The following LMBR1 variants were observed in gnomAD, a reference collection of about 807,000 sequenced individuals.
LMBR1 encodes limb development membrane protein 1.
A neutral mutation model predicts 73.9 loss-of-function variants in LMBR1; 52 were observed. The ratio of observed to expected loss-of-function variants is 0.70; its 90% CI spans 0.56 to 0.89. LMBR1 has a LOEUF of 0.89. Among genes scored for constraint, LMBR1 ranks in the 40% least tolerant of loss-of-function variants. The probability of loss-of-function intolerance (pLI) is 0.00; values close to 1 mark genes in which losing one functional copy is unlikely to be tolerated. For missense variants in LMBR1, 539 were observed against 579.8 expected, an observed-to-expected ratio of 0.93 and a Z score of 0.72; for synonymous variants, 215 against 209.4, an observed-to-expected ratio of 1.03 and a Z score of -0.23.
chr7:156,881,365 C>T (rs1267549520), intron 1 of LMBR1, among the ~76,000 whole-genome samples: 1 of 152,178 alleles, frequency 6.6e-6, no homozygotes, highest in African/African-American at 2.4e-5. Context: ...AAATGTAAAA[C>T]ATGAAACTAT....
chr7:156,732,453 A>G (rs115112008), intron 10 of LMBR1, among the ~76,000 whole-genome samples: 482 of 152,324 alleles, frequency 3.2e-3, no homozygotes, highest in African/African-American at 0.011. Context: ...AGGAGACTGA[A>G]GCACAGAAAA....
rs901672748 is a variant in LMBR1 at position 156,729,370 on chromosome 7, C to T, written c.839-650G>A. Among the ~76,000 whole-genome samples, 4 of 151,958 alleles carry T rather than the reference C, an allele frequency of 2.6e-5. No individual in the cohort carries two copies. In the East Asian group the frequency reaches 7.7e-4, roughly 29 times the overall value. The stretch of plus-strand genomic sequence containing the variant: ...CCATGGGGGTTCTGAAACCAGTCCC[C>T]CACGAATACTGAGGGCTATATTTGT... On this transcript the variant is annotated intron_variant, in intron 10 of 16. Coordinates refer to ENST00000353442, the MANE Select transcript of LMBR1 (RefSeq NM_022458.4).
intron 16 of LMBR1, among the ~76,000 whole-genome samples, chr7:156,686,100 G>C (rs921529745): frequency 6.6e-6 from 1 of 152,192 alleles, no homozygotes; most frequent in South Asian, 2.1e-4. Flanking sequence ...AAAAGGGACT[G>C]AGTGAAGACA....
chr7:156,704,172 G>A (rs1810405483), intron 15 of LMBR1, among the ~76,000 whole-genome samples: 2 of 152,134 alleles, frequency 1.3e-5, no homozygotes, highest in Non-Finnish European at 2.9e-5. Context: ...ACAGGCGCCA[G>A]AATACACTGT....
chr7:156,744,263 T>C (rs993392518), intron 9 of LMBR1, among the ~76,000 whole-genome samples: 1 of 152,148 alleles, frequency 6.6e-6, no homozygotes, highest in Non-Finnish European at 1.5e-5. Flanking sequence ...CAGCAACCAG[T>C]AGCAGGTTGC....
intron 4 of LMBR1, among the ~76,000 whole-genome samples, chr7:156,820,963 TGTTGGGGCAACGCC>T (rs1300928285): frequency 2.6e-5 from 4 of 152,246 alleles, no homozygotes; most frequent in African/African-American, 9.6e-5. Flanking sequence ...GCCCTTAGGA[TGTTGGGGCAACGCC>T]CTGCCATCCT....
intron 12 of LMBR1, among the ~76,000 whole-genome samples, chr7:156,726,731 C>G (rs1815844328): frequency 6.6e-6 from 1 of 152,134 alleles, no homozygotes; most frequent in Non-Finnish European, 1.5e-5. Flanking sequence ...AAATTTGGGA[C>G]CTGGTATTTG....
Position 156,685,549 on chromosome 7 carries a change from C to T in LMBR1, c.1388-1386G>A, listed in dbSNP as rs139567528. Among the ~76,000 whole-genome samples, 499 of 152,340 alleles carry T rather than the reference C, an allele frequency of 3.3e-3. 9 individuals carry two copies. Among genetic ancestry groups the T allele is most frequent in the East Asian group, 0.032 (165 of 5,182 alleles). ...CCTGAGTGCTGCAGCCACTGCGGCACCATGGCACATATCTGTGCATCTAGA... is the reference window on the plus strand; with the variant it reads ...CCTGAGTGCTGCAGCCACTGCGGCATCATGGCACATATCTGTGCATCTAGA... On this transcript the variant is annotated intron_variant, in intron 16 of 16. Coordinates refer to ENST00000353442, the MANE Select transcript of LMBR1 (RefSeq NM_022458.4). The surrounding 1 kb of genome is among the most constrained non-coding windows in gnomAD (Gnocchi z 4.1).
Position 156,893,054 on chromosome 7 carries a change from C to G in LMBR1, c.-61G>C. 7.1e-7 allele frequency: 1 copy of G among 1,406,022 alleles called. No homozygotes were observed. The highest frequency in any genetic ancestry group is 9.3e-7 in the Non-Finnish European group (1 of 1,080,022). 87.1% of individuals were successfully genotyped at this position (1,406,022 alleles called of 1,614,324 possible). A position where few individuals can be genotyped will look rare whatever the true frequency, so the allele number is the denominator to read the frequency against. On this transcript the variant is annotated 5_prime_UTR_variant, in exon 1 of 17. Transcript: ENST00000353442. ...GCGTGCTCCGCCACACCATCGTCCG[C>G]CCGCCGCAGGGGCTCGGACAGCCGC...
At chr7:156,844,921 T>G (rs1839357709) in intron 1 of LMBR1, among the ~76,000 whole-genome samples, 1 of 152,198 alleles carries the variant, frequency 6.6e-6, no homozygotes, top group Non-Finnish European at 1.5e-5. Context: ...AAACTAATAT[T>G]CTTAAATTTG....
intron 15 of LMBR1, among the ~76,000 whole-genome samples, chr7:156,707,631 C>A (rs1420236127): frequency 6.6e-6 from 1 of 152,142 alleles, no homozygotes; most frequent in Non-Finnish European, 1.5e-5. Context: ...ATGATCATCT[C>A]CAAAGATGCA....
chr7:156,771,597 C>T (rs1171510072), intron 5 of LMBR1, among the ~76,000 whole-genome samples: 2 of 152,084 alleles, frequency 1.3e-5, no homozygotes, highest in Non-Finnish European at 2.9e-5. Flanking sequence ...TAATAAAAAG[C>T]CAACTGACTA....
rs141878389 is a variant in LMBR1, at chr7:156,845,554, G to A, written c.67-8669C>T. ...TATTAAAAGAAAACACTGATAGAAT[G>A]ATACATATCTTAAAACAAAGTGACT... On this transcript the variant is annotated intron_variant, in intron 1 of 16. Transcript: ENST00000353442. 2.9e-3 allele frequency among the ~76,000 whole-genome samples: 446 copies of A among 152,144 alleles called. 4 individuals carry two copies. The highest frequency in any genetic ancestry group is 0.01 in the African/African-American group (428 of 41,476).
chr7:156,687,694 T>C (rs1372043113), intron 16 of LMBR1, among the ~76,000 whole-genome samples: 1 of 152,208 alleles, frequency 6.6e-6, no homozygotes, highest in Non-Finnish European at 1.5e-5. Flanking sequence ...TTTCACACCG[T>C]ATCATCCTCA....
chr7:156,861,588 C>A (rs1394178842), intron 1 of LMBR1, among the ~76,000 whole-genome samples: 1 of 152,188 alleles, frequency 6.6e-6, no homozygotes, highest in Non-Finnish European at 1.5e-5. Flanking sequence ...GTTTTCTTTT[C>A]TATCTCATTG....
chr7:156,892,092 A>G (rs1314042284), intron 1 of LMBR1, among the ~76,000 whole-genome samples: 1 of 152,368 alleles, frequency 6.6e-6, no homozygotes, highest in East Asian at 1.9e-4. Context: ...TAAAAACATC[A>G]AAGTAGACTT....
At position 156,724,181 on chromosome 7, in the gene LMBR1, G is replaced by A. The variant is rs369446617; in HGVS notation, c.1159-3C>T. Reference sequence around the variant, plus strand: ...ATGGACACACAATTTCCAATGATCTGTTATGAGAAACGAGAAAGAATATTG... The same window carrying A: ...ATGGACACACAATTTCCAATGATCTATTATGAGAAACGAGAAAGAATATTG... On this transcript the variant is annotated splice_polypyrimidine_tract_variant and splice_region_variant and intron_variant, in intron 14 of 16. Transcript: ENST00000353442. 1.7e-4 allele frequency: 270 copies of A among 1,608,126 alleles called. 5 individuals are homozygous for A. In the South Asian group the frequency reaches 2.8e-3, roughly 17 times the overall value.
intron 1 of LMBR1, among the ~76,000 whole-genome samples, chr7:156,853,677 A>T (rs1404322340): frequency 6.6e-6 from 1 of 152,140 alleles, no homozygotes; most frequent in Non-Finnish European, 1.5e-5. Context: ...GTTTTTTGAG[A>T]CAAAGTGTCA....
Position 156,735,548 on chromosome 7 carries a change from G to GTTTT in LMBR1, c.758-1295_758-1292dup, listed in dbSNP as rs5888692. Reference sequence around the variant, plus strand: ...AGTTCTCTCAGTTTTTAAGAGTGGTGTTTTTTTTTTTTTCATTATGCAATT... The same window carrying GTTTT: ...AGTTCTCTCAGTTTTTAAGAGTGGTGTTTTTTTTTTTTTTTTTCATTATGCAATT... On this transcript the variant is annotated intron_variant, in intron 9 of 16. Transcript: ENST00000353442. Among the ~76,000 whole-genome samples the GTTTT allele has an allele frequency of 4.0e-3, 574 of 142,162 alleles. 3 individuals carry two copies. Among genetic ancestry groups the GTTTT allele is most frequent in the African/African-American group, 0.014 (542 of 38,588 alleles). The allele number at this position is 142,162 out of a possible 152,430, so 93.3% of individuals were successfully genotyped here.
Sources: allele counts gnomAD v4.1 joint callset (sites outside exome capture counted in the v4.1 genomes callset), GRCh38; gene constraint gnomAD v4.1.1; non-coding constraint Gnocchi (gnomAD v3.1); transcripts MANE v1.5; gene names NCBI Gene and HGNC (gene_info 2026-07-23, HGNC 2026-07-21).